RSU1: variants seen among roughly 807,000 people sequenced by gnomAD.
RSU1 encodes the protein Ras suppressor protein 1.
A neutral mutation model predicts 31.1 loss-of-function variants in RSU1; 26 were observed. The ratio of observed to expected loss-of-function variants is 0.84; its 90% CI spans 0.61 to 1.16. RSU1 has a LOEUF of 1.16. Ranked by LOEUF, RSU1 falls within the 50% of genes most tolerant of loss-of-function variation. RSU1 has a pLI of 0.00. For missense variants in RSU1, 320 were observed against 339.1 expected (o/e 0.94, Z 0.44); for synonymous variants, 164 against 136.3 (o/e 1.20, Z -1.41).
intron 2 of RSU1, 73 bp from the exon 3 acceptor site, chr10:16,782,157 A>ATAGG: frequency 8.4e-7 from 1 of 1,196,656 alleles, no homozygotes. Flanking sequence ...CTGTACTCCT[A>ATAGG]CAAAGCAAAC....
chr10:16,764,584 T>C (rs2131631487), intron 3 of RSU1, 74 bp from the exon 4 acceptor site: 1 of 1,474,800 alleles, frequency 6.8e-7, no homozygotes, highest in African/African-American at 1.4e-5. Context: ...GCACATTTTG[T>C]TTTTCTTTCA....
chr10:16,776,049 C>T (rs1837522900), intron 3 of RSU1, among the ~76,000 whole-genome samples: 1 of 152,110 alleles, frequency 6.6e-6, no homozygotes, highest in African/African-American at 2.4e-5. Context: ...TAAAGCATGA[C>T]AAATAATCTA....
chr10:16,627,826 T>C (rs1409209090), intron 8 of RSU1, among the ~76,000 whole-genome samples: 3 of 150,316 alleles, frequency 2.0e-5, no homozygotes, highest in Non-Finnish European at 3.0e-5. Flanking sequence ...CCAGCACATA[T>C]AGAAGCAACT....
chr10:16,751,407 C>T (rs543054845), intron 7 of RSU1, among the ~76,000 whole-genome samples: 12 of 152,152 alleles, frequency 7.9e-5, no homozygotes, highest in African/African-American at 2.9e-4. Context: ...AGCTGGTCCA[C>T]GAAATCACGT....
intron 8 of RSU1, among the ~76,000 whole-genome samples, chr10:16,692,850 G>C (rs1407003957): frequency 6.6e-6 from 1 of 152,124 alleles, no homozygotes; most frequent in Non-Finnish European, 1.5e-5. Flanking sequence ...GACTTATACT[G>C]TAAGTGTCAT....
intron 8 of RSU1, among the ~76,000 whole-genome samples, chr10:16,671,267 C>T (rs954351622): frequency 1.3e-5 from 2 of 152,162 alleles, no homozygotes; most frequent in African/African-American, 4.8e-5. Context: ...AGTCTCGGAA[C>T]TCCTGGGTTC....
chr10:16,770,732 G>A (rs558097338), intron 3 of RSU1, among the ~76,000 whole-genome samples: 17 of 152,208 alleles, frequency 1.1e-4, no homozygotes, highest in Non-Finnish European at 1.9e-4. Context: ...CAGGTACTTC[G>A]TGGGAGGCAA....
intron 8 of RSU1, among the ~76,000 whole-genome samples, chr10:16,619,393 CAACGGG>C (rs571404324): frequency 6.6e-5 from 10 of 152,292 alleles, no homozygotes; most frequent in Middle Eastern, 3.4e-3. Context: ...TCTGTGATGT[CAACGGG>C]AACAACTGCT....
chr10:16,762,916 G>A (rs1311488653), intron 4 of RSU1, among the ~76,000 whole-genome samples: 1 of 152,002 alleles, frequency 6.6e-6, no homozygotes, highest in East Asian at 1.9e-4. Context: ...GGGACGCTGA[G>A]GGAGGAGAAT....
rs1835358332 is a variant in RSU1 at position 16,682,879 on chromosome 10, C to T, written c.731+12144G>A. ...ACACAGACCCTCCACACCGCACATG[C>T]CCTCCTTATGAGTGAAGGACACAAT... On this transcript the variant is annotated intron_variant, in intron 8 of 8. Coordinates refer to ENST00000345264, the MANE Select transcript of RSU1 (RefSeq NM_012425.4). Among the ~76,000 whole-genome samples, 4 of 152,112 alleles carry T rather than the reference C, an allele frequency of 2.6e-5. No individual in the cohort carries two copies. In the South Asian group the frequency reaches 8.3e-4, roughly 31 times the overall value.
chr10:16,695,889 C>T (rs1347967686), intron 7 of RSU1, among the ~76,000 whole-genome samples: 1 of 152,098 alleles, frequency 6.6e-6, no homozygotes, highest in Non-Finnish European at 1.5e-5. Flanking sequence ...TCTGGTGAGG[C>T]CATCAGGTTA....
intron 8 of RSU1, among the ~76,000 whole-genome samples, chr10:16,594,794 T>A (rs892475883): frequency 4.1e-5 from 6 of 145,910 alleles, no homozygotes; most frequent in African/African-American, 1.3e-4. Context: ...TATATATTTT[T>A]TTTTTTTTGA....
chr10:16,592,759 CTG>C lies in RSU1; in HGVS notation c.*633_*634del, dbSNP rs1329297977. The C allele has an allele frequency of 2.0e-5, 3 of 151,980 alleles. No homozygotes were observed. The highest frequency in any genetic ancestry group is 4.4e-5 in the Non-Finnish European group (3 of 68,004). The allele number at this position is 151,980 out of a possible 1,614,324, so 9.4% of individuals were successfully genotyped here. The stretch of plus-strand genomic sequence containing the variant: ...ACAAATTAATGTGAGAAGAAACGAA[CTG>C]TGATTTAATTTTGCATTTCTTTCAT... On this transcript the variant is annotated 3_prime_UTR_variant, in exon 9 of 9. Transcript: ENST00000345264.
At chr10:16,683,160 GGT>G (rs4012467) in intron 8 of RSU1, among the ~76,000 whole-genome samples, 70 of 143,016 alleles carry the variant, frequency 4.9e-4, no homozygotes, top group Non-Finnish European at 6.9e-4. Context: ...ATGGGTGTGT[GGT>G]GTGTGTGTGT....
chr10:16,651,385 T>C (rs1033202290), intron 8 of RSU1, among the ~76,000 whole-genome samples: 1 of 152,242 alleles, frequency 6.6e-6, no homozygotes, highest in African/African-American at 2.4e-5. Context: ...AAATGTCAAA[T>C]GCTCACCCTT....
intron 3 of RSU1, among the ~76,000 whole-genome samples, chr10:16,773,326 A>G (rs1373155039): frequency 6.6e-6 from 1 of 152,134 alleles, no homozygotes; most frequent in Admixed American, 6.6e-5. Flanking sequence ...CAGGAAGGGG[A>G]GGAAAAGGAA....
intron 7 of RSU1, among the ~76,000 whole-genome samples, chr10:16,698,248 C>T (rs114848376): frequency 0.026 from 3,896 of 152,070 alleles, 169 homozygotes; most frequent in African/African-American, 0.089. Flanking sequence ...GCCTGCATCA[C>T]AAGCTCCCTT....
intron 7 of RSU1, among the ~76,000 whole-genome samples, chr10:16,696,197 T>C (rs1159851964): frequency 6.6e-6 from 1 of 152,196 alleles, no homozygotes. Context: ...TGTTTGAACC[T>C]AGAGACACAG....
intron 8 of RSU1, among the ~76,000 whole-genome samples, chr10:16,654,092 T>A (rs1335283262): frequency 6.6e-6 from 1 of 151,936 alleles, no homozygotes; most frequent in African/African-American, 2.4e-5. Context: ...AACCTCTGCC[T>A]CCCGGGCTCA....
Sources: allele counts gnomAD v4.1 joint callset (sites outside exome capture counted in the v4.1 genomes callset), GRCh38; gene constraint gnomAD v4.1.1; transcripts MANE v1.5; gene names NCBI Gene and HGNC (gene_info 2026-07-23, HGNC 2026-07-21).